The following STAT5B variants were observed in gnomAD, a reference collection of about 807,000 sequenced individuals.
STAT5B encodes transcription factor STAT5B.
Under a neutral mutation model 107.8 loss-of-function variants are expected in STAT5B, and 21 were observed. That is an observed-to-expected ratio of 0.19 (90% CI 0.14 to 0.28). STAT5B has a LOEUF of 0.28. Among genes scored for constraint, STAT5B ranks in the 10% least tolerant of loss-of-function variants. STAT5B has a pLI of 1.00. For missense variants in STAT5B, 565 were observed against 1,008.2 expected, an observed-to-expected ratio of 0.56 and a Z score of 5.95; for synonymous variants, 325 against 401.7, an observed-to-expected ratio of 0.81 and a Z score of 2.28.
chr17:42,225,807 G>C (rs980968513), intron 3 of STAT5B, among the ~76,000 whole-genome samples: 2 of 152,084 alleles, frequency 1.3e-5, no homozygotes, highest in Non-Finnish European at 2.9e-5. Context: ...AGAACCCATG[G>C]ACATGGACAG....
At chr17:42,213,911 G>A (rs1293016491) in intron 12 of STAT5B, among the ~76,000 whole-genome samples, 1 of 151,296 alleles carries the variant, frequency 6.6e-6, no homozygotes, top group Non-Finnish European at 1.5e-5. Context: ...GGAGGCCGAG[G>A]TGGGTGGATC....
chr17:42,210,330 C>G (rs752068991), intron 14 of STAT5B, 29 bp from the exon 15 acceptor site: 81 of 1,614,070 alleles, frequency 5.0e-5, no homozygotes, highest in Non-Finnish European at 6.7e-5. Context: ...AGGACAGAAG[C>G]AGAGTGTGAC....
At chr17:42,203,688 G>A (rs1229320487) in intron 16 of STAT5B, among the ~76,000 whole-genome samples, 4 of 151,992 alleles carry the variant, frequency 2.6e-5, no homozygotes, top group Non-Finnish European at 5.9e-5. Flanking sequence ...GTGCAGTGGT[G>A]CGATCTCAGC....
chr17:42,254,887 T>C (rs1175695368), intron 1 of STAT5B, among the ~76,000 whole-genome samples: 2 of 152,090 alleles, frequency 1.3e-5, no homozygotes, highest in African/African-American at 2.4e-5. Flanking sequence ...GGTCAGGAGA[T>C]TGAGACCATC....
intron 1 of STAT5B, among the ~76,000 whole-genome samples, chr17:42,242,388 C>G (rs2080411573): frequency 6.6e-6 from 1 of 152,052 alleles, no homozygotes; most frequent in African/African-American, 2.4e-5. Flanking sequence ...AAGTACTACT[C>G]ACATATTACT....
chr17:42,266,819 C>G (rs1409615887), intron 1 of STAT5B, among the ~76,000 whole-genome samples: 2 of 152,138 alleles, frequency 1.3e-5, no homozygotes, highest in Non-Finnish European at 2.9e-5. Context: ...CAAATATTTT[C>G]TATTTTGTTT....
intron 11 of STAT5B, 49 bp from the exon 12 acceptor site, chr17:42,216,155 C>T (rs1175002502): frequency 2.7e-6 from 4 of 1,474,540 alleles, no homozygotes; most frequent in Admixed American, 2.1e-5. Context: ...TCAAGTTCTT[C>T]TCCTTCTCTC....
chr17:42,276,523 T>G (rs1459868361), upstream of STAT5B: 8 of 151,026 alleles, frequency 5.3e-5, no homozygotes, highest in Admixed American at 2.6e-4. The surrounding 1 kb of genome is among the most constrained non-coding windows in gnomAD (Gnocchi z 4.8). Context: ...GCTAGCCCGC[T>G]GTCCCTCGCG....
intron 13 of STAT5B, among the ~76,000 whole-genome samples, chr17:42,210,752 AC>A (rs2080121692): frequency 6.6e-6 from 1 of 152,114 alleles, no homozygotes; most frequent in African/African-American, 2.4e-5. Flanking sequence ...GACTGGGCTG[AC>A]CCGTCCCTTG....
At chr17:42,204,907 C>T (rs886564523) in intron 16 of STAT5B, among the ~76,000 whole-genome samples, 1 of 152,204 alleles carries the variant, frequency 6.6e-6, no homozygotes, top group Non-Finnish European at 1.5e-5. Context: ...AGCCACTGTG[C>T]CCAGGCCCAA....
chr17:42,235,109 C>G (rs1177411335), intron 1 of STAT5B: 1 of 152,162 alleles, frequency 6.6e-6, no homozygotes, highest in Non-Finnish European at 1.5e-5. Flanking sequence ...GCTATGAAAA[C>G]TTTTATCTCC....
At chr17:42,238,577 C>T (rs1007019105) in intron 1 of STAT5B, among the ~76,000 whole-genome samples, 1 of 151,540 alleles carries the variant, frequency 6.6e-6, no homozygotes, top group Non-Finnish European at 1.5e-5. Context: ...CCTCAGCCTC[C>T]TAAGCAGCTG....
chr17:42,247,057 C>T (rs1004472070), intron 1 of STAT5B, among the ~76,000 whole-genome samples: 25 of 152,132 alleles, frequency 1.6e-4, no homozygotes, highest in African/African-American at 5.1e-4. Flanking sequence ...GTTTGTATTC[C>T]CCCTGGATTC....
intron 12 of STAT5B, among the ~76,000 whole-genome samples, chr17:42,214,916 AATTTTTTGGT>A (rs1284023520): frequency 5.3e-5 from 8 of 151,838 alleles, no homozygotes; most frequent in Admixed American, 5.3e-4. Flanking sequence ...ATGCCTGGCT[AATTTTTTGGT>A]ATTTTTTGTA....
upstream of STAT5B, among the ~76,000 whole-genome samples, chr17:42,281,239 A>G (rs915541669): frequency 1.3e-5 from 2 of 152,108 alleles, no homozygotes; most frequent in African/African-American, 4.8e-5. Context: ...TGTAAATCAT[A>G]GTTAGGGGGT....
intron 1 of STAT5B, among the ~76,000 whole-genome samples, chr17:42,257,210 T>G (rs1312360549): frequency 1.3e-5 from 2 of 152,216 alleles, no homozygotes; most frequent in African/African-American, 4.8e-5. Context: ...AATAAATAAT[T>G]GTGCCCCTGC....
intron 1 of STAT5B, among the ~76,000 whole-genome samples, chr17:42,256,422 G>T (rs986163867): frequency 2.6e-5 from 4 of 152,072 alleles, no homozygotes; most frequent in Non-Finnish European, 4.4e-5. Context: ...CACACTTTCA[G>T]TCCTTCTGAG....
chr17:42,228,706 C>T (rs558350514), intron 2 of STAT5B, among the ~76,000 whole-genome samples: 6 of 152,084 alleles, frequency 3.9e-5, no homozygotes, highest in Non-Finnish European at 5.9e-5. Flanking sequence ...CCGAGGCAGG[C>T]GGATTACCTG....
chr17:42,201,408 G>T lies in STAT5B; in HGVS notation c.*330C>A. ...CACATGGCCAACTTCCAGGCTTCAC[G>T]AAACTCACTGCCTTTTTGCACAAAG... On this transcript the variant is annotated 3_prime_UTR_variant, in exon 19 of 19. Transcript: ENST00000293328. 1.7e-6 allele frequency: 1 copy of T among 594,922 alleles called. No homozygotes were observed. Among genetic ancestry groups the T allele is most frequent in the Non-Finnish European group, 3.0e-6 (1 of 334,028 alleles). The allele number at this position is 594,922 out of a possible 1,614,324, so 36.9% of individuals were successfully genotyped here.
Sources: allele counts gnomAD v4.1 joint callset (sites outside exome capture counted in the v4.1 genomes callset), GRCh38; gene constraint gnomAD v4.1.1; non-coding constraint Gnocchi (gnomAD v3.1); transcripts MANE v1.5; gene names NCBI Gene and HGNC (gene_info 2026-07-23, HGNC 2026-07-21).